Variants in C9orf40 observed in about 807,000 individuals in gnomAD.
C9orf40 encodes chromosome 9 open reading frame 40.
A neutral mutation model predicts 7.9 loss-of-function variants in C9orf40; 2 were observed. The observed-to-expected ratio is 0.25, with a 90% CI of 0.10 to 0.80. C9orf40 has a LOEUF of 0.80. Among genes scored for constraint, C9orf40 ranks in the 30% least tolerant of loss-of-function variants. C9orf40 has a pLI of 0.68. For missense variants in C9orf40, 256 were observed against 268.5 expected (o/e 0.95, Z 0.33); for synonymous variants, 113 against 117.6 (o/e 0.96, Z 0.25).
Position 74,946,967 on chromosome 9 carries a change from T to C in C9orf40, c.*1081A>G, listed in dbSNP as rs542559137. On this transcript the variant is annotated 3_prime_UTR_variant, in exon 2 of 2. Transcript: ENST00000376854. ...TAATCACTGATACTCACATCACAAA[T>C]TGCTTACTTTATTTCTTTAACAATG... 2 of 152,326 alleles carry C rather than the reference T, an allele frequency of 1.3e-5. No homozygotes were observed. The highest frequency in any genetic ancestry group is 2.4e-5 in the African/African-American group (1 of 41,566). The allele number at this position is 152,326 out of a possible 1,614,324, so 9.4% of individuals were successfully genotyped here.
In C9orf40 at chr9:74,952,470, C is replaced by G. The variant is rs954118747; in HGVS notation, c.142G>C (p.Gly48Arg). 2 of 1,599,166 alleles carry G rather than the reference C, an allele frequency of 1.3e-6. No homozygotes were observed. Among genetic ancestry groups the G allele is most frequent in the Non-Finnish European group, 1.7e-6 (2 of 1,178,522 alleles). Reference protein sequence around the residue: ...PGVAHAGQLLGVPEQHRKRKI... With the variant: ...PGVAHAGQLLRVPEQHRKRKI... ...CGCTTTCGGTGCTGCTCTGGGACGC[C>G]GAGGAGCTGCCCAGCATGCGCGACC... The change falls in exon 1 of 2, where the codon GGC (glycine) becomes CGC (arginine). Residue 48 changes from glycine (G) to arginine (R), a missense_variant. Coordinates refer to ENST00000376854, the MANE Select transcript of C9orf40 (RefSeq NM_017998.3). This position sits in a 1 kb window ranked among gnomAD's most constrained non-coding sequence, Gnocchi z 5.4.
rs142609348 is a variant in C9orf40, at chr9:74,952,498, G to A, written c.114C>T (p.Pro38=). The stretch of plus-strand genomic sequence containing the variant: ...GGAGCTGCCCAGCATGCGCGACCCC[G>A]GGCGGCCGGATCCAGAGAGGCGGTG... ...PPPPPLWIRP[P]GVAHAGQLLG... Residue 38 remains proline (P), a synonymous_variant, in exon 1 of 2, where the codon CCC becomes CCT. Transcript: ENST00000376854. This position sits in a 1 kb window ranked among gnomAD's most constrained non-coding sequence, Gnocchi z 5.4. 7.3e-3 allele frequency: 11,582 copies of A among 1,594,658 alleles called. 49 individuals carry two copies. Among genetic ancestry groups the A allele is most frequent in the Non-Finnish European group, 8.7e-3 (10,254 of 1,177,788 alleles).
chr9:74,948,238 C>A, intron 1 of C9orf40, 32 bp from the exon 2 acceptor site: 3 of 1,504,290 alleles, frequency 2.0e-6, no homozygotes, highest in Non-Finnish European at 2.7e-6. Context: ...CAAAGAGCAT[C>A]AATAGCTTAG....
At position 74,952,027 on chromosome 9, in the gene C9orf40, T is replaced by C. The variant is rs1371615670; in HGVS notation, c.426+159A>G. ...GCCCATCGGACTCTCGGGGTGTGCT[T>C]CTGGCGGTCGGCGTCCTCTCCCGGA... is the stretch of plus-strand genomic sequence containing the variant. On this transcript the variant is annotated intron_variant, in intron 1 of 1. Transcript: ENST00000376854. The surrounding 1 kb of genome is among the most constrained non-coding windows in gnomAD (Gnocchi z 5.4). Among the ~76,000 whole-genome samples, 2 of 152,186 alleles carry C rather than the reference T, an allele frequency of 1.3e-5. No individual in the cohort carries two copies. The highest frequency in any genetic ancestry group is 2.9e-5 in the Non-Finnish European group (2 of 68,020).
chr9:74,952,592 G>A lies in C9orf40; in HGVS notation c.20C>T (p.Ala7Val). The change falls in exon 1 of 2, where the codon GCC becomes GTC. Residue 7 changes from alanine (A) to valine (V), a missense_variant. Transcript: ENST00000376854. This position sits in a 1 kb window ranked among gnomAD's most constrained non-coding sequence, Gnocchi z 5.4. ...AGGCACGTGGAACGTCACCGGCTCG[G>A]CCGCACGCCGCTTGGCCATGGGCCC... MAKRRA[A>V]EPVTFHVPWK... 6.4e-7 allele frequency: 1 copy of A among 1,569,414 alleles called. No homozygotes were observed. Among genetic ancestry groups the A allele is most frequent in the Non-Finnish European group, 8.6e-7 (1 of 1,168,198 alleles).
Position 74,947,999 on chromosome 9 carries a change from T to TA in C9orf40, c.*48dup. On this transcript the variant is annotated 3_prime_UTR_variant, in exon 2 of 2. Coordinates refer to ENST00000376854, the MANE Select transcript of C9orf40 (RefSeq NM_017998.3). ...TCCCTTAAGAATACGAGAATTCACTTAGAGACATCTCCTCAAATCAGCCAA... is the reference window on the plus strand; with the variant it reads ...TCCCTTAAGAATACGAGAATTCACTTAAGAGACATCTCCTCAAATCAGCCAA... 1 of 1,544,900 alleles carries TA rather than the reference T, an allele frequency of 6.5e-7. No homozygotes were observed. The highest frequency in any genetic ancestry group is 8.8e-7 in the Non-Finnish European group (1 of 1,134,802).
chr9:74,946,978 ATTTC>A lies in C9orf40; in HGVS notation c.*1066_*1069del, dbSNP rs1564080025. ...ACTCACATCACAAATTGCTTACTTTATTTCTTTAACAATGAAATAGTAATAACAC... is the reference window on the plus strand; with the variant it reads ...ACTCACATCACAAATTGCTTACTTTATTTAACAATGAAATAGTAATAACAC... On this transcript the variant is annotated 3_prime_UTR_variant, in exon 2 of 2. Transcript: ENST00000376854. 6.6e-6 allele frequency: 1 copy of A among 152,236 alleles called. No individual in the cohort carries two copies. The highest frequency in any genetic ancestry group is 6.5e-5 in the Admixed American group (1 of 15,292). The allele number at this position is 152,236 out of a possible 1,614,324, so 9.4% of individuals were successfully genotyped here.
chr9:74,949,938 G>C (rs1442094151), intron 1 of C9orf40, among the ~76,000 whole-genome samples: 2 of 151,570 alleles, frequency 1.3e-5, no homozygotes, highest in Non-Finnish European at 2.9e-5. Context: ...GAGGCGGGAG[G>C]ATCACTTGAG....
chr9:74,948,013 C>T lies in C9orf40; in HGVS notation c.*35G>A, dbSNP rs1832260256. The T allele has an allele frequency of 6.3e-7, 1 of 1,586,368 alleles. No homozygotes were observed. The highest frequency in any genetic ancestry group is 1.1e-5 in the South Asian group (1 of 87,278). On this transcript the variant is annotated 3_prime_UTR_variant, in exon 2 of 2. Transcript: ENST00000376854. ...GAGAATTCACTTAGAGACATCTCCTCAAATCAGCCAATCCCACTGCTTCGG... is the reference window on the plus strand; with the variant it reads ...GAGAATTCACTTAGAGACATCTCCTTAAATCAGCCAATCCCACTGCTTCGG...
rs988359879 is a variant in C9orf40, at chr9:74,952,313, G to T, written c.299C>A (p.Pro100Gln). 6 of 1,382,412 alleles carry T rather than the reference G, an allele frequency of 4.3e-6. No individual in the cohort carries two copies. The highest frequency in any genetic ancestry group is 5.6e-6 in the Non-Finnish European group (6 of 1,069,532). The allele number at this position is 1,382,412 out of a possible 1,614,324, so 85.6% of individuals were successfully genotyped here. A position where few individuals can be genotyped will look rare whatever the true frequency, so the allele number is the denominator to read the frequency against. The change falls in exon 1 of 2, where the codon CCG becomes CAG. Residue 100 changes from proline to glutamine, a missense_variant. Transcript: ENST00000376854. The surrounding 1 kb of genome is among the most constrained non-coding windows in gnomAD (Gnocchi z 5.4). ...HGLETGDPPL[P>Q]PPPVLPGPGE... The stretch of plus-strand genomic sequence containing the variant: ...CGGCCCCGGCAGTACGGGCGGCGGC[G>T]GCAGCGGCGGATCGCCTGTCTCCAG...
At chr9:74,949,441 G>T (rs1341990684) in intron 1 of C9orf40, among the ~76,000 whole-genome samples, 1 of 151,932 alleles carries the variant, frequency 6.6e-6, no homozygotes, top group Non-Finnish European at 1.5e-5. Context: ...ACACTAACAT[G>T]AAAAAAATAC....
rs1172238226 is a variant in C9orf40 at position 74,952,725 on chromosome 9, G to A, written c.-114C>T. The A allele has an allele frequency of 9.9e-6, 10 of 1,011,450 alleles. No homozygotes were observed. The highest frequency in any genetic ancestry group is 1.4e-5 in the Non-Finnish European group (10 of 716,708). 62.7% of individuals were successfully genotyped at this position (1,011,450 alleles called of 1,614,324 possible). On this transcript the variant is annotated 5_prime_UTR_variant, in exon 1 of 2. Coordinates refer to ENST00000376854, the MANE Select transcript of C9orf40 (RefSeq NM_017998.3). The surrounding 1 kb of genome is among the most constrained non-coding windows in gnomAD (Gnocchi z 5.4). ...AGAGAGGGACAGGCCGAAGTCGGGC[G>A]AGGAGGCGACAGGACGCTGGAGGGG...
Position 74,952,771 on chromosome 9 carries a change from C to T in C9orf40, c.-160G>A. ...AGGGGGTAGGGCGGGGCAGCTCGCGCAGGGCCTAGGGCTGGGGCTCCGGCT... is the reference window on the plus strand; with the variant it reads ...AGGGGGTAGGGCGGGGCAGCTCGCGTAGGGCCTAGGGCTGGGGCTCCGGCT... On this transcript the variant is annotated 5_prime_UTR_variant, in exon 1 of 2. Transcript: ENST00000376854. The surrounding 1 kb of genome is among the most constrained non-coding windows in gnomAD (Gnocchi z 5.4). 1.6e-6 allele frequency: 1 copy of T among 630,398 alleles called. No individual in the cohort carries two copies. Among genetic ancestry groups the T allele is most frequent in the Admixed American group, 3.3e-5 (1 of 30,168 alleles). The allele number at this position is 630,398 out of a possible 1,614,324, so 39.1% of individuals were successfully genotyped here.
At chr9:74,948,594 T>A (rs1385655374) in intron 1 of C9orf40, among the ~76,000 whole-genome samples, 1 of 152,228 alleles carries the variant, frequency 6.6e-6, no homozygotes, top group African/African-American at 2.4e-5. Flanking sequence ...TATAACTTAC[T>A]TTTGGTCTTG....
Position 74,952,057 on chromosome 9 carries a change from T to A in C9orf40, c.426+129A>T. Reference sequence around the variant, plus strand: ...CGGTCGGCGTCCTCTCCCGGAGCGGTGACCCCTTCTTTCAACCCCCTCAGG... The same window carrying A: ...CGGTCGGCGTCCTCTCCCGGAGCGGAGACCCCTTCTTTCAACCCCCTCAGG... On this transcript the variant is annotated intron_variant, in intron 1 of 1. Coordinates refer to ENST00000376854, the MANE Select transcript of C9orf40 (RefSeq NM_017998.3). The surrounding 1 kb of genome is among the most constrained non-coding windows in gnomAD (Gnocchi z 5.4). 1 of 385,540 alleles carries A rather than the reference T, an allele frequency of 2.6e-6. No individual in the cohort carries two copies. The highest frequency in any genetic ancestry group is 4.6e-6 in the Non-Finnish European group (1 of 218,762). The allele number at this position is 385,540 out of a possible 1,614,324, so 23.9% of individuals were successfully genotyped here. A position where few individuals can be genotyped will look rare whatever the true frequency, so the allele number is the denominator to read the frequency against.
In C9orf40 at chr9:74,952,400, CT is replaced by C; in HGVS notation, c.211del (p.Ser71AlafsTer101). ...GTMAEPSASP[S>X]KRRDSGDNSA... ...GTTGTCCCCGCTGTCACGGCGCTTGCTGGGCGAAGCCGAGGGCTCTGCCATG... is the reference window on the plus strand; with the variant it reads ...GTTGTCCCCGCTGTCACGGCGCTTGCGGGCGAAGCCGAGGGCTCTGCCATG... On this transcript the variant is annotated frameshift_variant, in exon 1 of 2. Transcript: ENST00000376854. LOFTEE classifies it high-confidence loss of function. This position sits in a 1 kb window ranked among gnomAD's most constrained non-coding sequence, Gnocchi z 5.4. 6.3e-7 allele frequency: 1 copy of C among 1,582,178 alleles called. No homozygotes were observed. The highest frequency in any genetic ancestry group is 8.5e-7 in the Non-Finnish European group (1 of 1,171,498).
Position 74,952,618 on chromosome 9 carries a change from A to T in C9orf40, c.-7T>A. ...CCGCACGCCGCTTGGCCATGGGCCC[A>T]GAGGCTCGGGCGGAGCCCGCCAGGC... On this transcript the variant is annotated 5_prime_UTR_variant, in exon 1 of 2. Coordinates refer to ENST00000376854, the MANE Select transcript of C9orf40 (RefSeq NM_017998.3). This position sits in a 1 kb window ranked among gnomAD's most constrained non-coding sequence, Gnocchi z 5.4. The T allele has an allele frequency of 6.4e-7, 1 of 1,552,574 alleles. No individual in the cohort carries two copies. Among genetic ancestry groups the T allele is most frequent in the South Asian group, 1.2e-5 (1 of 85,588 alleles).
rs997759661 is a variant in C9orf40, at chr9:74,947,710, T to C, written c.*338A>G. ...CCACAAATAAACTTTTTGGTGCAGA[T>C]AGGAGGAATATTTGAGTTTTTCCCA... On this transcript the variant is annotated 3_prime_UTR_variant, in exon 2 of 2. Transcript: ENST00000376854. The C allele has an allele frequency of 5.7e-6, 1 of 175,370 alleles. No individual in the cohort carries two copies. The highest frequency in any genetic ancestry group is 6.1e-5 in the Admixed American group (1 of 16,462). The allele number at this position is 175,370 out of a possible 1,614,324, so 10.9% of individuals were successfully genotyped here.
At chr9:74,950,090 G>A (rs1832280422) in intron 1 of C9orf40, among the ~76,000 whole-genome samples, 1 of 152,202 alleles carries the variant, frequency 6.6e-6, no homozygotes, top group Admixed American at 6.5e-5. Context: ...ACTCCAGCCT[G>A]GGCATGGGAG....
Sources: gnomAD v4.1 joint callset for allele counts (sites outside exome capture counted in the v4.1 genomes callset) on GRCh38, gnomAD v4.1.1 for gene constraint, Gnocchi (gnomAD v3.1) non-coding constraint, MANE v1.5 for transcripts, NCBI Gene and HGNC (gene_info 2026-07-23, HGNC 2026-07-21) for gene names.